The following ESRP1 variants were observed in gnomAD, a reference collection of about 807,000 sequenced individuals.
ESRP1 encodes the protein epithelial splicing regulatory protein 1.
ESRP1 carries 33 observed loss-of-function variants against 81.7 expected under a neutral mutation model. That is an observed-to-expected ratio of 0.40 (90% CI 0.31 to 0.54). The LOEUF is 0.54. ESRP1 is among the 20% of genes least tolerant of loss of function. The pLI is 0.41. For synonymous variants in ESRP1, 320 were observed against 303.3 expected (o/e 1.06, Z -0.57); for missense variants, 672 against 833.1 (o/e 0.81, Z 2.38).
At chr8:94,681,772 A>C (rs965706767) in intron 13 of ESRP1, among the ~76,000 whole-genome samples, 4 of 152,186 alleles carry the variant, frequency 2.6e-5, no homozygotes, top group African/African-American at 9.6e-5. Context: ...CCCCACCTCT[A>C]CTAATACCAA....
At position 94,641,956 on chromosome 8, in the gene ESRP1, G is replaced by A; in HGVS notation, c.133G>A (p.Val45Met). The change falls in exon 2 of 16, where the codon GTG becomes ATG. Residue 45 changes from valine to methionine, a missense_variant and splice_region_variant. Transcript: ENST00000433389. Reference sequence around the variant, plus strand: ...GACCCGTGCTTCTCTACCTTCGGAGGTGGGACAGTTGCACGAAGTGCTAGT... The same window carrying A: ...GACCCGTGCTTCTCTACCTTCGGAGATGGGACAGTTGCACGAAGTGCTAGT... ...WKVVDLANKK[V>M]GQLHEVLVRP... 1.2e-6 allele frequency: 2 copies of A among 1,613,880 alleles called. No individual in the cohort carries two copies. Among genetic ancestry groups the A allele is most frequent in the South Asian group, 1.1e-5 (1 of 91,086 alleles).
Position 94,695,348 on chromosome 8 carries a change from CTTTTTTTTTTTT to C in ESRP1, c.1972-1491_1972-1480del, listed in dbSNP as rs1177357708. On this transcript the variant is annotated intron_variant, in intron 14 of 15. Coordinates refer to ENST00000433389, the MANE Select transcript of ESRP1 (RefSeq NM_017697.4). ...GAGTAAATAAAATTTCTTTTTCTTT[CTTTTTTTTTTTT>C]TTTTTTTTTTTTGAGACGGAGTCTC... Among the ~76,000 whole-genome samples the C allele has an allele frequency of 6.5e-5, 4 of 61,172 alleles. No homozygotes were observed. In the Admixed American group the frequency reaches 7.6e-4, roughly 12 times the overall value. The allele number at this position is 61,172 out of a possible 152,430, so 40.1% of individuals were successfully genotyped here.
At chr8:94,663,245 T>C (rs996842626) in intron 6 of ESRP1, among the ~76,000 whole-genome samples, 1 of 152,140 alleles carries the variant, frequency 6.6e-6, no homozygotes, top group African/African-American at 2.4e-5. Context: ...TAAGTACATT[T>C]ATTTATTTAT....
At chr8:94,644,539 A>G (rs1350105866) in intron 3 of ESRP1, among the ~76,000 whole-genome samples, 1 of 152,224 alleles carries the variant, frequency 6.6e-6, no homozygotes, top group Non-Finnish European at 1.5e-5. Flanking sequence ...ATTAAATGCT[A>G]GACTAGTCGC....
chr8:94,686,762 T>C (rs1262057722), intron 13 of ESRP1, among the ~76,000 whole-genome samples: 1 of 152,228 alleles, frequency 6.6e-6, no homozygotes, highest in Non-Finnish European at 1.5e-5. Context: ...AATGTAAAGG[T>C]ATAATGGAGG....
intron 12 of ESRP1, among the ~76,000 whole-genome samples, chr8:94,676,602 T>G (rs550679905): frequency 6.6e-6 from 1 of 151,908 alleles, no homozygotes; most frequent in East Asian, 2.0e-4. Context: ...CAGGTTGAAG[T>G]GATTCTCCTG....
At chr8:94,641,769 A>T in intron 1 of ESRP1, 187 bp from the exon 2 acceptor site, 3 of 573,806 alleles carry the variant, frequency 5.2e-6, no homozygotes, top group Non-Finnish European at 7.1e-6. Context: ...GGCTTTTCCG[A>T]CCTATCGGGT....
chr8:94,656,001 T>C (rs1318521910), intron 4 of ESRP1: 1 of 151,834 alleles, frequency 6.6e-6, no homozygotes, highest in Admixed American at 6.6e-5. Context: ...TGGGCTGCAG[T>C]GCGGTATGCC....
rs1295225334 is a variant in ESRP1, at chr8:94,676,244, C to A, written c.1651+1738C>A. ...GGAGTGGTGGCGCACATCTGTGATA[C>A]CAGCTACTGAGGCAGGAGAATTGCT... On this transcript the variant is annotated intron_variant, in intron 12 of 15. Transcript: ENST00000433389. 1.3e-5 allele frequency among the ~76,000 whole-genome samples: 2 copies of A among 151,566 alleles called. 1 individual carries two copies. Among genetic ancestry groups the A allele is most frequent in the Admixed American group, 1.3e-4 (2 of 15,218 alleles).
Position 94,706,156 on chromosome 8 carries a change from G to A in ESRP1, c.*267G>A. ...CTGGCTCTTTGCTGATTGCAAATAG[G>A]CATTTAAAATGTGAATTTGGAATCA... On this transcript the variant is annotated 3_prime_UTR_variant, in exon 16 of 16. Transcript: ENST00000433389. 2 of 515,510 alleles carry A rather than the reference G, an allele frequency of 3.9e-6. No homozygotes were observed. Among genetic ancestry groups the A allele is most frequent in the Non-Finnish European group, 6.8e-6 (2 of 294,224 alleles). 31.9% of individuals were successfully genotyped at this position (515,510 alleles called of 1,614,324 possible). A position where few individuals can be genotyped will look rare whatever the true frequency, so the allele number is the denominator to read the frequency against.
At chr8:94,683,173 A>G (rs576968448) in intron 13 of ESRP1, among the ~76,000 whole-genome samples, 3 of 151,328 alleles carry the variant, frequency 2.0e-5, no homozygotes, top group Non-Finnish European at 2.9e-5. Flanking sequence ...CCAACTCCAG[A>G]CCTCAAGTGA....
chr8:94,643,431 T>C lies in ESRP1; in HGVS notation c.375+15T>C. On this transcript the variant is annotated intron_variant, in intron 3 of 15. Coordinates refer to ENST00000433389, the MANE Select transcript of ESRP1 (RefSeq NM_017697.4). ...CTTCCAAGAAGGTAAGAGTGCTGGC[T>C]TCTGGGAAAAAAATGGTTGGAGCTT... 6.3e-7 allele frequency: 1 copy of C among 1,582,154 alleles called. No homozygotes were observed.
intron 15 of ESRP1, among the ~76,000 whole-genome samples, chr8:94,704,804 C>A (rs748499637): frequency 5.6e-5 from 8 of 141,934 alleles, no homozygotes; most frequent in African/African-American, 7.7e-5. Context: ...CTGCAGTGAG[C>A]TATGATTGGA....
chr8:94,684,487 T>C (rs551693434), intron 13 of ESRP1, among the ~76,000 whole-genome samples: 2 of 152,278 alleles, frequency 1.3e-5, no homozygotes, highest in South Asian at 4.1e-4. Flanking sequence ...GAAAACTGAC[T>C]TTAGGTTTTA....
intron 4 of ESRP1, chr8:94,655,938 T>A (rs1161212505): frequency 6.6e-6 from 1 of 152,074 alleles, no homozygotes; most frequent in African/African-American, 2.4e-5. Flanking sequence ...ACTCTTGTAA[T>A]GCCAGCTACT....
In ESRP1 at chr8:94,646,263, C is replaced by T. The variant is rs376259698; in HGVS notation, c.471C>T (p.Asp157=). The part of the protein sequence containing the change: ...CPGSPDIDKL[D]VATMTEYLNF... ...GTTCACCTGATATTGACAAACTGGACGTTGCCACAATGACAGAGTGTATCC... is the reference window on the plus strand; with the variant it reads ...GTTCACCTGATATTGACAAACTGGATGTTGCCACAATGACAGAGTGTATCC... The change falls in exon 4 of 16, where the codon GAC becomes GAT. Residue 157 remains aspartate (D), a synonymous_variant. Coordinates refer to ENST00000433389, the MANE Select transcript of ESRP1 (RefSeq NM_017697.4). 3.0e-5 allele frequency: 49 copies of T among 1,607,776 alleles called. No individual in the cohort carries two copies. In the South Asian group the frequency reaches 3.9e-4, roughly 13 times the overall value.
intron 4 of ESRP1, among the ~76,000 whole-genome samples, chr8:94,647,161 T>C (rs7837744): frequency 0.02 from 3,004 of 152,352 alleles, 102 homozygotes; most frequent in African/African-American, 0.068. Context: ...TGAAGTTTGC[T>C]CGCATATATT....
In ESRP1 at chr8:94,706,266, C is replaced by G; in HGVS notation, c.*377C>G. 1 of 283,130 alleles carries G rather than the reference C, an allele frequency of 3.5e-6. No individual in the cohort carries two copies. The highest frequency in any genetic ancestry group is 6.6e-6 in the Non-Finnish European group (1 of 151,088). The allele number at this position is 283,130 out of a possible 1,614,324, so 17.5% of individuals were successfully genotyped here. A position where few individuals can be genotyped will look rare whatever the true frequency, so the allele number is the denominator to read the frequency against. ...TGGATAAAAACTCCACCAGTGTCTA[C>G]CATCTCCACCATGAACTCTGTTAAG... On this transcript the variant is annotated 3_prime_UTR_variant, in exon 16 of 16. Transcript: ENST00000433389.
At chr8:94,642,488 G>A (rs907310544) in intron 2 of ESRP1, among the ~76,000 whole-genome samples, 7 of 152,222 alleles carry the variant, frequency 4.6e-5, no homozygotes, top group African/African-American at 1.7e-4. Context: ...TGGCGTAGAC[G>A]TGCAGGTGGG....
Sources: allele counts gnomAD v4.1 joint callset (sites outside exome capture counted in the v4.1 genomes callset), GRCh38; gene constraint gnomAD v4.1.1; transcripts MANE v1.5; gene names NCBI Gene and HGNC (gene_info 2026-07-23, HGNC 2026-07-21).